The following YY1 variants were observed in gnomAD, a reference collection of about 807,000 sequenced individuals.
YY1 encodes transcriptional repressor protein YY1.
Under a neutral mutation model 35.6 loss-of-function variants are expected in YY1, and 2 were observed. The ratio of observed to expected loss-of-function variants is 0.06; its 90% confidence interval spans 0.02 to 0.18. YY1 has a LOEUF of 0.18. Ranked by LOEUF, YY1 falls within the 10% of genes least tolerant of loss-of-function variation. The pLI, the probability that YY1 is intolerant of heterozygous loss-of-function variation, is 1.00. For synonymous variants in YY1, 268 were observed against 238.9 expected, an observed-to-expected ratio of 1.12 and a Z score of -1.12; for missense variants, 322 against 573.4, an observed-to-expected ratio of 0.56 and a Z score of 4.48.
chr14:100,254,439 T>G (rs1400675601), intron 1 of YY1, among the ~76,000 whole-genome samples: 3 of 152,144 alleles, frequency 2.0e-5, no homozygotes, highest in African/African-American at 4.8e-5. Flanking sequence ...TTTTTGCAGC[T>G]TTTTCCTATA....
At chr14:100,272,242 G>C (rs1050390399) in intron 2 of YY1, among the ~76,000 whole-genome samples, 1 of 150,948 alleles carries the variant, frequency 6.6e-6, no homozygotes, top group Non-Finnish European at 1.5e-5. Context: ...CTTGCAGTGA[G>C]CCGAGATAGC....
At chr14:100,242,143 A>C (rs1016778650) in intron 1 of YY1, among the ~76,000 whole-genome samples, 1 of 152,318 alleles carries the variant, frequency 6.6e-6, no homozygotes, top group Admixed American at 6.5e-5. Flanking sequence ...GTGTGGAATT[A>C]GAGGAATTTA....
intron 1 of YY1, 23 bp from the exon 2 acceptor site, chr14:100,262,279 AAG>A (rs1891095866): frequency 6.2e-7 from 1 of 1,612,814 alleles, no homozygotes. Flanking sequence ...TACTCAGCTA[AAG>A]ATAATCTCAT....
Position 100,277,333 on chromosome 14 carries a change from G to T in YY1, c.1063-85G>T. The T allele has an allele frequency of 6.7e-7, 1 of 1,486,460 alleles. No individual in the cohort carries two copies. Among genetic ancestry groups the T allele is most frequent in the Non-Finnish European group, 9.4e-7 (1 of 1,065,874 alleles). The allele number at this position is 1,486,460 out of a possible 1,614,324, so 92.1% of individuals were successfully genotyped here. On this transcript the variant is annotated intron_variant, in intron 4 of 4. Transcript: ENST00000262238. The surrounding 1 kb of genome is among the most constrained non-coding windows in gnomAD (Gnocchi z 5.6). ...AAGTGTTTGGTAAAATAAATAGGCTGTTCTCTAGCAAAGCAGTGAGCTCCT... is the reference window on the plus strand; with the variant it reads ...AAGTGTTTGGTAAAATAAATAGGCTTTTCTCTAGCAAAGCAGTGAGCTCCT...
chr14:100,249,756 TTTTG>T (rs1214675137), intron 1 of YY1, among the ~76,000 whole-genome samples: 1 of 89,398 alleles, frequency 1.1e-5, no homozygotes, highest in Non-Finnish European at 2.2e-5. Context: ...CCGTTTTTTT[TTTTG>T]TTTGTTTTTG....
At chr14:100,266,521 C>G (rs982831013) in intron 2 of YY1, among the ~76,000 whole-genome samples, 3 of 152,046 alleles carry the variant, frequency 2.0e-5, no homozygotes, top group Non-Finnish European at 2.9e-5. Context: ...AAGTTTGTCC[C>G]CAGTCTTCTG....
chr14:100,257,762 T>G (rs1032649585), intron 1 of YY1, among the ~76,000 whole-genome samples: 2 of 152,208 alleles, frequency 1.3e-5, no homozygotes. Context: ...CTAATCTATA[T>G]TTTTGTTGTA....
At chr14:100,265,133 T>G (rs1420190686) in intron 2 of YY1, among the ~76,000 whole-genome samples, 1 of 151,822 alleles carries the variant, frequency 6.6e-6, no homozygotes, top group Non-Finnish European at 1.5e-5. Context: ...ATCCCAGCAC[T>G]TTGGGAGGCT....
In YY1 at chr14:100,250,019, C is replaced by T. The variant is rs1236626504; in HGVS notation, c.679+10096C>T. ...AACTCCCGACCTCAGGTGATCTGTCCGCTTCAGCCTTCCAAAGTGCTGGGA... is the reference window on the plus strand; with the variant it reads ...AACTCCCGACCTCAGGTGATCTGTCTGCTTCAGCCTTCCAAAGTGCTGGGA... On this transcript the variant is annotated intron_variant, in intron 1 of 4. Coordinates refer to ENST00000262238, the MANE Select transcript of YY1 (RefSeq NM_003403.5). Among the ~76,000 whole-genome samples the T allele has an allele frequency of 4.6e-5, 7 of 152,176 alleles. No homozygotes were observed. In the South Asian group the frequency reaches 1.0e-3, roughly 23 times the overall value.
At chr14:100,273,307 A>G (rs1891271957) in intron 2 of YY1, among the ~76,000 whole-genome samples, 2 of 151,792 alleles carry the variant, frequency 1.3e-5, no homozygotes, top group South Asian at 2.1e-4. Context: ...TTTAAATCCA[A>G]TACAGAGTTT....
chr14:100,276,355 G>C lies in YY1; in HGVS notation c.904-135G>C. 1 of 1,198,412 alleles carries C rather than the reference G, an allele frequency of 8.3e-7. No individual in the cohort carries two copies. Among genetic ancestry groups the C allele is most frequent in the Non-Finnish European group, 1.2e-6 (1 of 833,144 alleles). 74.2% of individuals were successfully genotyped at this position (1,198,412 alleles called of 1,614,324 possible). ...TCTTAAATGATATTAATGTTCTACCGTAATACTAAGTAAAATTAAAATGGG... is the reference window on the plus strand; with the variant it reads ...TCTTAAATGATATTAATGTTCTACCCTAATACTAAGTAAAATTAAAATGGG... On this transcript the variant is annotated intron_variant, in intron 3 of 4. Transcript: ENST00000262238. The surrounding 1 kb of genome is among the most constrained non-coding windows in gnomAD (Gnocchi z 4.1).
chr14:100,254,745 C>T lies in YY1; in HGVS notation c.680-7559C>T, dbSNP rs367867390. Among the ~76,000 whole-genome samples the T allele has an allele frequency of 4.6e-5, 7 of 151,228 alleles. 1 individual carries two copies. The highest frequency in any genetic ancestry group is 1.7e-4 in the African/African-American group (7 of 41,252). On this transcript the variant is annotated intron_variant, in intron 1 of 4. Transcript: ENST00000262238. ...ATGCTAAGATTACAGGTGCGAGCCA[C>T]CATGCCTAGCCTATTTTATTTATTT...
At chr14:100,273,217 G>A (rs1430340656) in intron 2 of YY1, among the ~76,000 whole-genome samples, 1 of 151,932 alleles carries the variant, frequency 6.6e-6, no homozygotes, top group Admixed American at 6.6e-5. Flanking sequence ...CATCTACCTC[G>A]GCCTCCCAAA....
rs1257157512 is a variant in YY1 at position 100,239,259 on chromosome 14, C to T, written c.15C>T (p.Asp5=). 5 of 1,571,224 alleles carry T rather than the reference C, an allele frequency of 3.2e-6. No individual in the cohort carries two copies. Among genetic ancestry groups the T allele is most frequent in the African/African-American group, 1.4e-5 (1 of 73,444 alleles). The stretch of plus-strand genomic sequence containing the variant: ...AGCCCTCAGCCATGGCCTCGGGCGA[C>T]ACCCTCTACATCGCCACGGACGGCT... MASG[D]TLYIATDGSE... The change falls in exon 1 of 5, where the codon GAC becomes GAT. Residue 5 remains aspartate (D), a synonymous_variant. Transcript: ENST00000262238.
At chr14:100,242,396 T>G (rs1436775630) in intron 1 of YY1, among the ~76,000 whole-genome samples, 7 of 145,834 alleles carry the variant, frequency 4.8e-5, no homozygotes, top group East Asian at 4.0e-4. Context: ...TTTTTTTTTT[T>G]TTTTTTTTTT....
At chr14:100,243,457 C>T (rs1408843023) in intron 1 of YY1, among the ~76,000 whole-genome samples, 4 of 152,048 alleles carry the variant, frequency 2.6e-5, no homozygotes, top group South Asian at 2.1e-4. Flanking sequence ...CAGGGTATTC[C>T]CCGAGGGTCT....
chr14:100,242,927 C>G (rs567067313), intron 1 of YY1, among the ~76,000 whole-genome samples: 1 of 152,200 alleles, frequency 6.6e-6, no homozygotes, highest in Admixed American at 6.6e-5. Context: ...ATGTCCATTT[C>G]TTTAAAGCGC....
intron 1 of YY1, among the ~76,000 whole-genome samples, chr14:100,248,112 T>C (rs1204737586): frequency 1.1e-5 from 1 of 93,652 alleles, no homozygotes; most frequent in East Asian, 2.8e-4. Flanking sequence ...GCCCGGCTAA[T>C]TTTTTTTTCT....
At chr14:100,251,182 T>A (rs59682302) in intron 1 of YY1, among the ~76,000 whole-genome samples, 1 of 152,200 alleles carries the variant, frequency 6.6e-6, no homozygotes, top group Non-Finnish European at 1.5e-5. Flanking sequence ...AGGGAGAGTA[T>A]CCTGGTTTAT....
Sources: gnomAD v4.1 joint callset for allele counts (sites outside exome capture counted in the v4.1 genomes callset) on GRCh38, gnomAD v4.1.1 for gene constraint, Gnocchi (gnomAD v3.1) non-coding constraint, MANE v1.5 for transcripts, NCBI Gene and HGNC (gene_info 2026-07-23, HGNC 2026-07-21) for gene names.